PTPRN2: variants seen among roughly 807,000 people sequenced by gnomAD.
PTPRN2 encodes receptor-type tyrosine-protein phosphatase N2.
PTPRN2 carries 74 observed loss-of-function variants against 118.8 expected under a neutral mutation model. The ratio of observed to expected loss-of-function variants is 0.62; its 90% confidence interval spans 0.52 to 0.76. The LOEUF is 0.76. Among genes scored for constraint, PTPRN2 ranks in the 30% least tolerant of loss-of-function variants. PTPRN2 has a pLI of 0.00. For synonymous variants in PTPRN2, 641 were observed against 608.0 expected, an observed-to-expected ratio of 1.05 and a Z score of -0.80; for missense variants, 1,481 against 1,394.4, an observed-to-expected ratio of 1.06 and a Z score of -0.99.
intron 6 of PTPRN2, among the ~76,000 whole-genome samples, chr7:158,146,155 G>C (rs1482788359): frequency 2.0e-5 from 3 of 152,068 alleles, no homozygotes; most frequent in Non-Finnish European, 2.9e-5. Context: ...GAGAAGTGAG[G>C]AACACAGTCA....
intron 11 of PTPRN2, among the ~76,000 whole-genome samples, chr7:157,939,992 G>A (rs919103030): frequency 2.6e-5 from 4 of 152,196 alleles, no homozygotes; most frequent in African/African-American, 9.7e-5. Flanking sequence ...GGAAGGTGTC[G>A]CCGCATGGGC....
In PTPRN2 at chr7:157,749,347, A is replaced by T. The variant is rs192785464; in HGVS notation, c.1789-66410T>A. Reference sequence around the variant, plus strand: ...GGTGATTCTGAGGCCTGCGTCCCTGAGCTACAGGCTGTTGAGGTGATTCTG... The same window carrying T: ...GGTGATTCTGAGGCCTGCGTCCCTGTGCTACAGGCTGTTGAGGTGATTCTG... On this transcript the variant is annotated intron_variant, in intron 12 of 22. Coordinates refer to ENST00000389418, the MANE Select transcript of PTPRN2 (RefSeq NM_002847.5). 2.8e-4 allele frequency among the ~76,000 whole-genome samples: 37 copies of T among 130,888 alleles called. 2 individuals carry two copies. Among genetic ancestry groups the T allele is most frequent in the Admixed American group, 2.0e-3 (25 of 12,326 alleles). The allele number at this position is 130,888 out of a possible 152,430, so 85.9% of individuals were successfully genotyped here. A position where few individuals can be genotyped will look rare whatever the true frequency, so the allele number is the denominator to read the frequency against.
At chr7:157,943,077 C>T (rs1184095043) in intron 11 of PTPRN2, among the ~76,000 whole-genome samples, 2 of 152,272 alleles carry the variant, frequency 1.3e-5, no homozygotes, top group South Asian at 2.1e-4. Flanking sequence ...AAAATTTGGC[C>T]CCAGGAAGCC....
chr7:157,997,454 G>T (rs921959960), intron 11 of PTPRN2, among the ~76,000 whole-genome samples: 14 of 152,214 alleles, frequency 9.2e-5, no homozygotes, highest in Non-Finnish European at 1.6e-4. Context: ...TGGAGCCCAG[G>T]TTCCTCCCAC....
In PTPRN2 at chr7:157,964,923, T is replaced by C. The variant is rs1334171810; in HGVS notation, c.1724-66186A>G. Among the ~76,000 whole-genome samples, 1 of 152,206 alleles carries C rather than the reference T, an allele frequency of 6.6e-6. No individual in the cohort carries two copies. Among genetic ancestry groups the C allele is most frequent in the Non-Finnish European group, 1.5e-5 (1 of 68,030 alleles). The stretch of plus-strand genomic sequence containing the variant: ...CTCTGTCAGTTGGGCCATGGTATAA[T>C]TTATGTTCAACAGAGACCTTTGGGA... On this transcript the variant is annotated intron_variant, in intron 11 of 22. Coordinates refer to ENST00000389418, the MANE Select transcript of PTPRN2 (RefSeq NM_002847.5). The surrounding 1 kb of genome is among the most constrained non-coding windows in gnomAD (Gnocchi z 9.0).
At chr7:158,031,611 G>A (rs1384190311) in intron 11 of PTPRN2, among the ~76,000 whole-genome samples, 1 of 151,688 alleles carries the variant, frequency 6.6e-6, no homozygotes, top group Non-Finnish European at 1.5e-5. Context: ...TAGACTTCAG[G>A]AAAAAAAGAA....
chr7:157,581,182 C>T (rs1243480973), intron 17 of PTPRN2, among the ~76,000 whole-genome samples: 1 of 152,268 alleles, frequency 6.6e-6, no homozygotes, highest in East Asian at 1.9e-4. Flanking sequence ...CATCCCAGCA[C>T]TTGCACCACC....
intron 11 of PTPRN2, among the ~76,000 whole-genome samples, chr7:158,033,361 A>G (rs1807832766): frequency 6.6e-6 from 1 of 152,212 alleles, no homozygotes; most frequent in South Asian, 2.1e-4. Flanking sequence ...GTTGTGTGAT[A>G]AGGAGTTTGG....
intron 2 of PTPRN2, among the ~76,000 whole-genome samples, chr7:158,428,198 G>T (rs1815889938): frequency 6.6e-6 from 1 of 152,246 alleles, no homozygotes; most frequent in Non-Finnish European, 1.5e-5. Context: ...GGGCAGGGGA[G>T]CTGGGGCACT....
In PTPRN2 at chr7:157,540,033, A is replaced by C. The variant is rs963730526; in HGVS notation, c.*681T>G. ...GCAAAGGTGAGGTCAGGGGAGTGCC[A>C]GCCTCAAGTGGGCACTACTCATGGG... On this transcript the variant is annotated 3_prime_UTR_variant, in exon 23 of 23. Transcript: ENST00000389418. 2.6e-5 allele frequency: 4 copies of C among 152,246 alleles called. No homozygotes were observed. Among genetic ancestry groups the C allele is most frequent in the African/African-American group, 9.6e-5 (4 of 41,458 alleles). 9.4% of individuals were successfully genotyped at this position (152,246 alleles called of 1,614,324 possible).
chr7:158,369,945 A>G (rs544593979), intron 2 of PTPRN2, among the ~76,000 whole-genome samples: 1 of 152,350 alleles, frequency 6.6e-6, no homozygotes, highest in South Asian at 2.1e-4. Context: ...TGAAGAGGAC[A>G]GTGTGGTCTC....
At chr7:157,885,726 A>G (rs114720768) in intron 12 of PTPRN2, among the ~76,000 whole-genome samples, 1,814 of 152,346 alleles carry the variant, frequency 0.012, 43 homozygotes, top group African/African-American at 0.041. Flanking sequence ...AGGACATTTC[A>G]GCTTTCAGGA....
intron 2 of PTPRN2, among the ~76,000 whole-genome samples, chr7:158,480,286 G>C (rs558243339): frequency 1.2e-3 from 183 of 152,114 alleles, no homozygotes; most frequent in Non-Finnish European, 2.0e-3. Context: ...GTGATCTTTG[G>C]TGTTACTGTC....
intron 12 of PTPRN2, among the ~76,000 whole-genome samples, chr7:157,702,252 G>A (rs542158492): frequency 2.0e-5 from 3 of 151,752 alleles, no homozygotes; most frequent in African/African-American, 7.3e-5. Context: ...CGGTCCTGGT[G>A]TAACTGACGT....
At chr7:158,401,051 G>A (rs1375285587) in intron 2 of PTPRN2, among the ~76,000 whole-genome samples, 2 of 152,188 alleles carry the variant, frequency 1.3e-5, no homozygotes, top group South Asian at 2.1e-4. Flanking sequence ...CGACACGCAC[G>A]AGATGCAGAA....
intron 3 of PTPRN2, among the ~76,000 whole-genome samples, chr7:158,277,545 A>C (rs188035942): frequency 1.6e-3 from 241 of 152,284 alleles, no homozygotes; most frequent in African/African-American, 5.4e-3. Context: ...GCGCTCTCCC[A>C]AGTCTCCTCC....
chr7:158,298,779 C>T (rs1045222749), intron 3 of PTPRN2, among the ~76,000 whole-genome samples: 1 of 152,220 alleles, frequency 6.6e-6, no homozygotes, highest in African/African-American at 2.4e-5. Context: ...GGTTGCCTGT[C>T]CTCTCTCCTC....
chr7:157,570,996 G>T (rs1272641967), intron 20 of PTPRN2, among the ~76,000 whole-genome samples: 1 of 152,182 alleles, frequency 6.6e-6, no homozygotes, highest in Non-Finnish European at 1.5e-5. Flanking sequence ...TGTAATCCCA[G>T]CACGTTGGGA....
chr7:157,847,219 G>C (rs12539337), intron 12 of PTPRN2, among the ~76,000 whole-genome samples: 16,943 of 33,464 alleles, frequency 0.51, 4,937 homozygotes, highest in East Asian at 0.91. Context: ...AGCCCTCTCT[G>C]ACTCCATCAT....
Sources: gnomAD v4.1 joint callset for allele counts (sites outside exome capture counted in the v4.1 genomes callset) on GRCh38, gnomAD v4.1.1 for gene constraint, Gnocchi (gnomAD v3.1) non-coding constraint, MANE v1.5 for transcripts, NCBI Gene and HGNC (gene_info 2026-07-23, HGNC 2026-07-21) for gene names.